Variants in NKAIN3 observed in about 807,000 individuals in gnomAD.
NKAIN3 encodes sodium/potassium-transporting ATPase subunit beta-1-interacting protein 3.
A neutral mutation model predicts 30.2 loss-of-function variants in NKAIN3; 25 were observed. That is an observed-to-expected ratio of 0.83 (90% CI 0.60 to 1.16). The LOEUF is 1.16. NKAIN3 is among the 50% of genes most tolerant of loss of function. The pLI is 0.00. For missense variants in NKAIN3, 225 were observed against 254.1 expected, an observed-to-expected ratio of 0.89 and a Z score of 0.78; for synonymous variants, 91 against 89.6, an observed-to-expected ratio of 1.02 and a Z score of -0.09.
chr8:62,500,462 AAAGAAAG>A (rs1563427341), intron 1 of NKAIN3, among the ~76,000 whole-genome samples: 8 of 143,106 alleles, frequency 5.6e-5, no homozygotes, highest in African/African-American at 2.0e-4. Context: ...AGAAAGAAAG[AAAGAAAG>A]AAAGAAAGAA....
chr8:62,530,435 C>G (rs1009112202), intron 1 of NKAIN3, among the ~76,000 whole-genome samples: 7 of 152,076 alleles, frequency 4.6e-5, no homozygotes, highest in African/African-American at 1.7e-4. Context: ...CACCCAGACA[C>G]AGTGATACTC....
chr8:62,540,739 C>T (rs1808811188), intron 1 of NKAIN3, among the ~76,000 whole-genome samples: 1 of 151,318 alleles, frequency 6.6e-6, no homozygotes, highest in Non-Finnish European at 1.5e-5. Context: ...TGTGTGTTGT[C>T]TTTTTTTAAT....
intron 3 of NKAIN3, among the ~76,000 whole-genome samples, chr8:62,646,138 G>GAAAAAAAAAA (rs75073790): frequency 8.6e-6 from 1 of 116,198 alleles, no homozygotes; most frequent in South Asian, 2.8e-4. Context: ...CCTCATTCTG[G>GAAAAAAAAAA]AAAAAAAAAA....
intron 3 of NKAIN3, among the ~76,000 whole-genome samples, chr8:62,669,398 TTCATGGC>T (rs1813229451): frequency 6.6e-6 from 1 of 152,158 alleles, no homozygotes. Flanking sequence ...AAATTACATC[TTCATGGC>T]ACATGGTCTC....
At chr8:62,503,334 A>G (rs764147862) in intron 1 of NKAIN3, among the ~76,000 whole-genome samples, 2 of 152,206 alleles carry the variant, frequency 1.3e-5, no homozygotes, top group Non-Finnish European at 2.9e-5. Flanking sequence ...AGTAGGTCAC[A>G]TGCTTCAAGG....
At chr8:62,645,900 T>G (rs1184204739) in intron 3 of NKAIN3, among the ~76,000 whole-genome samples, 3 of 152,166 alleles carry the variant, frequency 2.0e-5, no homozygotes, top group Non-Finnish European at 4.4e-5. Context: ...TCAAAAACTA[T>G]GTTCTGGTTA....
chr8:62,386,345 C>T (rs547097045), intron 1 of NKAIN3, among the ~76,000 whole-genome samples: 1 of 152,152 alleles, frequency 6.6e-6, no homozygotes, highest in African/African-American at 2.4e-5. Flanking sequence ...ATGAAAAGCT[C>T]CTAATAAAAT....
At chr8:62,948,122 T>G (rs1194822392) in intron 5 of NKAIN3, among the ~76,000 whole-genome samples, 1 of 150,332 alleles carries the variant, frequency 6.7e-6, no homozygotes, top group African/African-American at 2.4e-5. Flanking sequence ...CAAAACAAGA[T>G]CTGCCTGATA....
intron 1 of NKAIN3, among the ~76,000 whole-genome samples, chr8:62,493,564 T>C (rs1217612572): frequency 2.0e-5 from 3 of 152,174 alleles, no homozygotes; most frequent in East Asian, 3.9e-4. Flanking sequence ...GTGAAGAATG[T>C]CATCAGTAAT....
intron 4 of NKAIN3, among the ~76,000 whole-genome samples, chr8:62,846,033 T>C (rs911069426): frequency 6.6e-6 from 1 of 152,144 alleles, no homozygotes; most frequent in Non-Finnish European, 1.5e-5. Flanking sequence ...TAAAACTTAA[T>C]TGCTATCCAT....
At chr8:62,531,457 G>A (rs1227167808) in intron 1 of NKAIN3, among the ~76,000 whole-genome samples, 1 of 152,076 alleles carries the variant, frequency 6.6e-6, no homozygotes, top group East Asian at 1.9e-4. Flanking sequence ...TTCAATAATA[G>A]TGGTTTCTCC....
intron 3 of NKAIN3, among the ~76,000 whole-genome samples, chr8:62,693,007 A>G (rs16929414): frequency 0.18 from 27,162 of 152,130 alleles, 2,616 homozygotes; most frequent in East Asian, 0.38. Flanking sequence ...ATCCATTCAA[A>G]TACACAAGTC....
intron 1 of NKAIN3, among the ~76,000 whole-genome samples, chr8:62,375,230 G>A (rs945539382): frequency 6.6e-6 from 1 of 152,186 alleles, no homozygotes; most frequent in African/African-American, 2.4e-5. Context: ...TGGGACCGAT[G>A]TCATCAGGCC....
intron 1 of NKAIN3, among the ~76,000 whole-genome samples, chr8:62,525,096 T>C (rs1165529741): frequency 1.3e-5 from 2 of 152,000 alleles, no homozygotes; most frequent in Non-Finnish European, 2.9e-5. Context: ...AGCAACAGCT[T>C]TATAATTCCT....
At chr8:62,738,783 T>G (rs1454527219) in intron 3 of NKAIN3, among the ~76,000 whole-genome samples, 1 of 152,190 alleles carries the variant, frequency 6.6e-6, no homozygotes, top group Non-Finnish European at 1.5e-5. Flanking sequence ...GGTTGCCTAT[T>G]CACTCTGTTG....
At chr8:62,938,158 T>G (rs1009255360) in intron 5 of NKAIN3, among the ~76,000 whole-genome samples, 2 of 151,978 alleles carry the variant, frequency 1.3e-5, no homozygotes, top group African/African-American at 4.8e-5. Context: ...TCTTGGGAGC[T>G]CTAACGGCCC....
At chr8:62,431,004 G>A (rs1337396647) in intron 1 of NKAIN3, among the ~76,000 whole-genome samples, 1 of 151,860 alleles carries the variant, frequency 6.6e-6, no homozygotes, top group Non-Finnish European at 1.5e-5. Flanking sequence ...ACCAAGAAAT[G>A]GCAAAGCATT....
intron 4 of NKAIN3, among the ~76,000 whole-genome samples, chr8:62,844,439 A>G (rs1036026308): frequency 5.9e-5 from 9 of 152,194 alleles, no homozygotes; most frequent in African/African-American, 2.2e-4. Flanking sequence ...AAAATTTCAG[A>G]TTAACTCCTT....
chr8:62,872,550 A>G (rs757417444), intron 4 of NKAIN3, among the ~76,000 whole-genome samples: 1 of 152,250 alleles, frequency 6.6e-6, no homozygotes, highest in Non-Finnish European at 1.5e-5. Flanking sequence ...CTGCCCAAGC[A>G]TTAGAATCTA....
Sources: allele counts gnomAD v4.1 joint callset (sites outside exome capture counted in the v4.1 genomes callset), GRCh38; gene constraint gnomAD v4.1.1; transcripts MANE v1.5; gene names NCBI Gene and HGNC (gene_info 2026-07-23, HGNC 2026-07-21).